BLTP1: variants seen among roughly 807,000 people sequenced by gnomAD.
BLTP1 encodes the protein fragile site-associated protein.
At chr4:122,271,560 A>G in the BLTP1 span, 9 of 1,613,466 alleles carry the variant, frequency 5.6e-6, no homozygotes, top group Non-Finnish European at 6.8e-6. Flanking sequence ...GTGGTGGATC[A>G]CATGACTATT....
chr4:122,242,616 A>G, the BLTP1 span, among the ~76,000 whole-genome samples: 1 of 152,202 alleles, frequency 6.6e-6, no homozygotes, highest in East Asian at 1.9e-4. Context: ...TATAAAATAC[A>G]AGACTAGTTT....
the BLTP1 span, among the ~76,000 whole-genome samples, chr4:122,312,502 G>T: frequency 6.6e-6 from 1 of 152,074 alleles, no homozygotes; most frequent in Non-Finnish European, 1.5e-5. Flanking sequence ...ATTTGAAAGG[G>T]TAATGTGGGT....
At chr4:122,165,837 T>G in the BLTP1 span, among the ~76,000 whole-genome samples, 1 of 148,884 alleles carries the variant, frequency 6.7e-6, no homozygotes, top group African/African-American at 2.4e-5. Context: ...TGATGAGCAT[T>G]TTTTCATGTG....
chr4:122,190,728 A>T, the BLTP1 span, among the ~76,000 whole-genome samples: 70 of 152,254 alleles, frequency 4.6e-4, no homozygotes, highest in Non-Finnish European at 6.9e-4. Flanking sequence ...AGTATATTAG[A>T]TTTGAGACTT....
the BLTP1 span, chr4:122,186,134 G>C: frequency 1.2e-6 from 2 of 1,612,188 alleles, no homozygotes; most frequent in African/African-American, 2.7e-5. Context: ...AGAGTTGTTT[G>C]GTTTGGAGCC....
At chr4:122,199,002 A>G in the BLTP1 span, among the ~76,000 whole-genome samples, 51 of 152,180 alleles carry the variant, frequency 3.4e-4, 1 homozygote, top group Non-Finnish European at 6.3e-4. Context: ...CCATCATTAT[A>G]TAAGGAGTAG....
chr4:122,313,377 A>G, the BLTP1 span, among the ~76,000 whole-genome samples: 1 of 152,264 alleles, frequency 6.6e-6, no homozygotes, highest in African/African-American at 2.4e-5. Context: ...CAGAAAGTAA[A>G]GCTAAAACTG....
At chr4:122,269,050 T>C in the BLTP1 span, 1 of 909,804 alleles carries the variant, frequency 1.1e-6, no homozygotes, top group South Asian at 5.1e-5. Flanking sequence ...ATTGGAACCA[T>C]CAAATCCAGA....
chr4:122,154,162 C>CTTTTTTTTTTTTTTTTTTTTTTT, the BLTP1 span: 2 of 237,346 alleles, frequency 8.4e-6, 1 homozygote, highest in African/African-American at 1.7e-4. Flanking sequence ...CGGTTAAAGA[C>CTTTTTTTTTTTTTTTTTTTTTTT]TTTTTTTTTT....
At chr4:122,200,659 T>A in the BLTP1 span, 1 of 984,392 alleles carries the variant, frequency 1.0e-6, no homozygotes, top group South Asian at 4.7e-5. Context: ...TCACACTCTA[T>A]CTTCCTTCAC....
the BLTP1 span, among the ~76,000 whole-genome samples, chr4:122,198,790 A>G: frequency 6.6e-6 from 1 of 152,138 alleles, no homozygotes; most frequent in Non-Finnish European, 1.5e-5. Context: ...TCAGGTATTT[A>G]AAAAAAGAAA....
At chr4:122,213,973 C>G in the BLTP1 span, among the ~76,000 whole-genome samples, 1 of 151,910 alleles carries the variant, frequency 6.6e-6, no homozygotes, top group Admixed American at 6.6e-5. Context: ...TCAGTGGTAG[C>G]AAATAACTGC....
At chr4:122,250,151 T>C in the BLTP1 span, 19 of 365,870 alleles carry the variant, frequency 5.2e-5, no homozygotes, top group African/African-American at 4.2e-4. Context: ...GGTTTAGTAA[T>C]ATATAATATA....
At chr4:122,245,309 A>G in the BLTP1 span, among the ~76,000 whole-genome samples, 11 of 152,286 alleles carry the variant, frequency 7.2e-5, no homozygotes, top group South Asian at 2.1e-3. Flanking sequence ...TAACTGTACT[A>G]TAGATGGAAT....
chr4:122,279,138 T>C, the BLTP1 span, among the ~76,000 whole-genome samples: 2 of 152,202 alleles, frequency 1.3e-5, no homozygotes, highest in African/African-American at 4.8e-5. Context: ...CTGGGAGCAA[T>C]GGTTTTGGCA....
At chr4:122,352,886 T>G in the BLTP1 span, 1 of 1,612,572 alleles carries the variant, frequency 6.2e-7, no homozygotes, top group Non-Finnish European at 8.5e-7. Flanking sequence ...GGATATGTGT[T>G]TTTTGGTTTT....
At chr4:122,183,333 C>T in the BLTP1 span, 3 of 536,382 alleles carry the variant, frequency 5.6e-6, no homozygotes, top group East Asian at 3.6e-4. Context: ...GAGACCCTGT[C>T]TCAAAAAAAA....
the BLTP1 span, chr4:122,185,215 C>T: frequency 1.0e-6 from 1 of 981,934 alleles, no homozygotes; most frequent in Non-Finnish European, 1.2e-6. Flanking sequence ...GTTTTGTAAA[C>T]TCCATAGTTT....
At chr4:122,291,667 A>T in the BLTP1 span, 2 of 909,200 alleles carry the variant, frequency 2.2e-6, no homozygotes, top group Non-Finnish European at 2.6e-6. Context: ...AGTAAACAGA[A>T]TAGACTATTT....
Sources: gnomAD v4.1 joint callset for allele counts (sites outside exome capture counted in the v4.1 genomes callset) on GRCh38, gnomAD v4.1.1 for gene constraint, MANE v1.5 for transcripts, NCBI Gene and HGNC (gene_info 2026-07-23, HGNC 2026-07-21) for gene names.